The following HUNK variants were observed in gnomAD, a reference collection of about 807,000 sequenced individuals.
HUNK encodes hormonally up-regulated Neu-associated kinase.
HUNK carries 21 observed loss-of-function variants against 61.0 expected under a neutral mutation model. That is an observed-to-expected ratio of 0.34 (90% CI 0.24 to 0.50). The LOEUF is 0.50. Ranked by LOEUF, HUNK falls within the 20% of genes least tolerant of loss-of-function variation. The pLI, the probability that HUNK is intolerant of heterozygous loss-of-function variation, is 0.98. For synonymous variants in HUNK, 371 were observed against 386.1 expected (o/e 0.96, Z 0.46); for missense variants, 772 against 945.7 (o/e 0.82, Z 2.41).
At chr21:31,910,709 G>A (rs1456949490) in intron 1 of HUNK, among the ~76,000 whole-genome samples, 1 of 151,964 alleles carries the variant, frequency 6.6e-6, no homozygotes, top group Non-Finnish European at 1.5e-5. Context: ...GGCTGGTCTC[G>A]AACTCCCAAC....
chr21:31,924,417 C>A lies in HUNK; in HGVS notation c.262-51C>A, dbSNP rs113708542. The stretch of plus-strand genomic sequence containing the variant: ...GGGTTCCTGTGAGTAGCCAAGGCAT[C>A]GCTATTGTCTGTAATGTCTGATAAC... On this transcript the variant is annotated intron_variant, in intron 1 of 10. Coordinates refer to ENST00000270112, the MANE Select transcript of HUNK (RefSeq NM_014586.2). This position sits in a 1 kb window ranked among gnomAD's most constrained non-coding sequence, Gnocchi z 5.1. The A allele has an allele frequency of 4.5e-6, 7 of 1,540,310 alleles. No individual in the cohort carries two copies. In the East Asian group the frequency reaches 1.4e-4, roughly 30 times the overall value.
At chr21:31,933,021 C>T (rs1194819632) in intron 2 of HUNK, among the ~76,000 whole-genome samples, 1 of 151,422 alleles carries the variant, frequency 6.6e-6, no homozygotes, top group Non-Finnish European at 1.5e-5. Flanking sequence ...AAGCGATGCT[C>T]ATGCCTCAGT....
intron 2 of HUNK, among the ~76,000 whole-genome samples, chr21:31,926,674 T>C (rs1052962226): frequency 5.9e-5 from 9 of 152,210 alleles, no homozygotes; most frequent in African/African-American, 2.2e-4. Context: ...CATGTGTCAG[T>C]GTCTCCTTCC....
intron 7 of HUNK, among the ~76,000 whole-genome samples, chr21:31,980,878 A>G (rs548642132): frequency 4.7e-4 from 72 of 152,080 alleles, no homozygotes; most frequent in African/African-American, 1.5e-3. Context: ...GTAATTTTGT[A>G]TTTTTAGTAG....
chr21:31,944,667 G>A (rs1410309338), intron 3 of HUNK, among the ~76,000 whole-genome samples: 2 of 151,974 alleles, frequency 1.3e-5, no homozygotes, highest in African/African-American at 4.8e-5. Flanking sequence ...GGAGGTTAAG[G>A]GAGAAATATG....
chr21:31,956,328 G>T (rs938548600), intron 4 of HUNK, among the ~76,000 whole-genome samples: 7 of 152,174 alleles, frequency 4.6e-5, no homozygotes, highest in Non-Finnish European at 1.0e-4. Context: ...TTGTCTCAGA[G>T]GCTGTTCAGT....
At chr21:31,971,453 C>CA (rs951939623) in intron 6 of HUNK, among the ~76,000 whole-genome samples, 7 of 151,234 alleles carry the variant, frequency 4.6e-5, no homozygotes, top group Admixed American at 1.3e-4. Context: ...ATCTTTAAGA[C>CA]AAAAAAAATG....
intron 1 of HUNK, among the ~76,000 whole-genome samples, chr21:31,898,646 T>A (rs1207431509): frequency 6.6e-6 from 1 of 152,166 alleles, no homozygotes; most frequent in Non-Finnish European, 1.5e-5. Context: ...CCTGGAGGAC[T>A]CTCCCGTCTT....
intron 1 of HUNK, among the ~76,000 whole-genome samples, chr21:31,907,590 G>T (rs1361905601): frequency 6.6e-6 from 1 of 152,180 alleles, no homozygotes; most frequent in African/African-American, 2.4e-5. Context: ...AGTTGGACAT[G>T]TGAGAAGCAG....
intron 1 of HUNK, among the ~76,000 whole-genome samples, chr21:31,877,365 C>A (rs905614093): frequency 6.6e-6 from 1 of 152,156 alleles, no homozygotes; most frequent in East Asian, 1.9e-4. Flanking sequence ...TCCCAACTTT[C>A]CTTTTAGGTT....
intron 2 of HUNK, among the ~76,000 whole-genome samples, chr21:31,926,024 T>A (rs1156984031): frequency 6.6e-6 from 1 of 152,062 alleles, no homozygotes; most frequent in Non-Finnish European, 1.5e-5. Context: ...GTTCAAGCAA[T>A]TCTCCTGTGT....
At chr21:31,949,108 G>T (rs1203211266) in intron 4 of HUNK, among the ~76,000 whole-genome samples, 1 of 152,240 alleles carries the variant, frequency 6.6e-6, no homozygotes, top group Non-Finnish European at 1.5e-5. Context: ...GCACACACGA[G>T]CCCGAATGTA....
chr21:31,902,025 T>C (rs1052466425), intron 1 of HUNK, among the ~76,000 whole-genome samples: 1 of 152,082 alleles, frequency 6.6e-6, no homozygotes, highest in Non-Finnish European at 1.5e-5. Flanking sequence ...TAAAAAGGCA[T>C]AGGTGTAGAC....
chr21:31,938,778 T>A (rs2052749385), intron 2 of HUNK, among the ~76,000 whole-genome samples: 1 of 152,220 alleles, frequency 6.6e-6, no homozygotes, highest in South Asian at 2.1e-4. Flanking sequence ...TGTGTGCGTG[T>A]GTGTAAGAGT....
intron 4 of HUNK, among the ~76,000 whole-genome samples, chr21:31,958,270 G>A (rs2052903089): frequency 6.6e-6 from 1 of 151,270 alleles, no homozygotes; most frequent in Non-Finnish European, 1.5e-5. Flanking sequence ...TCACATTCAA[G>A]TGCTCTCACC....
chr21:31,912,135 C>T (rs543029217), intron 1 of HUNK, among the ~76,000 whole-genome samples: 4 of 152,282 alleles, frequency 2.6e-5, no homozygotes, highest in South Asian at 2.1e-4. Context: ...CTTCCCCCAC[C>T]GTTCCTCCCT....
At chr21:31,896,278 C>G (rs1049883859) in intron 1 of HUNK, among the ~76,000 whole-genome samples, 5 of 152,152 alleles carry the variant, frequency 3.3e-5, no homozygotes, top group Admixed American at 2.6e-4. Context: ...GCTGAGTGTC[C>G]CAGAAGCTAA....
chr21:31,901,540 C>T (rs912116537), intron 1 of HUNK, among the ~76,000 whole-genome samples: 1 of 152,156 alleles, frequency 6.6e-6, no homozygotes, highest in Non-Finnish European at 1.5e-5. Flanking sequence ...GATTGGCAGG[C>T]CGCCTCAGAG....
At chr21:31,977,455 C>T (rs541440617) in intron 7 of HUNK, among the ~76,000 whole-genome samples, 2 of 152,198 alleles carry the variant, frequency 1.3e-5, no homozygotes, top group Non-Finnish European at 2.9e-5. Context: ...TAGAGAATGA[C>T]ATTGCTACTT....
Sources: allele counts gnomAD v4.1 joint callset (sites outside exome capture counted in the v4.1 genomes callset), GRCh38; gene constraint gnomAD v4.1.1; non-coding constraint Gnocchi (gnomAD v3.1); transcripts MANE v1.5; gene names NCBI Gene and HGNC (gene_info 2026-07-23, HGNC 2026-07-21).